The following DHRS9 variants were observed in gnomAD, a reference collection of about 807,000 sequenced individuals.
DHRS9 encodes dehydrogenase/reductase SDR family member 9.
DHRS9 carries 18 observed loss-of-function variants against 26.6 expected under a neutral mutation model. The observed-to-expected ratio is 0.68, with a 90% CI of 0.47 to 1.00. The LOEUF is 1.00. Among genes scored for constraint, DHRS9 ranks in the 50% least tolerant of loss-of-function variants. DHRS9 has a pLI of 0.00. For missense variants in DHRS9, 425 were observed against 378.7 expected (o/e 1.12, Z -1.01); for synonymous variants, 134 against 141.1 (o/e 0.95, Z 0.36).
intron 2 of DHRS9, 110 bp downstream of exon 2, chr2:169,082,004 C>T (rs888757579): frequency 9.0e-7 from 1 of 1,109,594 alleles, no homozygotes; most frequent in African/African-American, 1.6e-5. Context: ...AAAATGTTTC[C>T]TAAATACCGG....
At chr2:169,087,473 C>G (rs1180267720) in intron 3 of DHRS9, among the ~76,000 whole-genome samples, 1 of 152,116 alleles carries the variant, frequency 6.6e-6, no homozygotes, top group African/African-American at 2.4e-5. Context: ...GGTGCTCTAC[C>G]CCACTGTAGT....
chr2:169,090,365 G>A (rs867074775), intron 3 of DHRS9, among the ~76,000 whole-genome samples: 36 of 152,200 alleles, frequency 2.4e-4, no homozygotes, highest in African/African-American at 7.7e-4. Flanking sequence ...TTCCTAAATA[G>A]CCTCTTGGCA....
At chr2:169,095,345 A>G (rs1263054860) in intron 4 of DHRS9, among the ~76,000 whole-genome samples, 199 bp from the exon 5 acceptor site, 2 of 152,142 alleles carry the variant, frequency 1.3e-5, no homozygotes, top group African/African-American at 4.8e-5. Flanking sequence ...TGCCAACCCA[A>G]TCTTGAGAGC....
At chr2:169,074,515 G>A in intron 1 of DHRS9, 1 of 913,536 alleles carries the variant, frequency 1.1e-6, no homozygotes, top group African/African-American at 1.8e-5. Flanking sequence ...GCCGTGCAGA[G>A]GTAACCACAG....
At chr2:169,081,256 C>A in intron 1 of DHRS9, 1 of 856,950 alleles carries the variant, frequency 1.2e-6, no homozygotes, top group Non-Finnish European at 1.5e-6. Flanking sequence ...AACTCAATGG[C>A]TTGTGTCAAT....
chr2:169,080,069 A>G (rs924735202), intron 1 of DHRS9, among the ~76,000 whole-genome samples: 1 of 151,364 alleles, frequency 6.6e-6, no homozygotes, highest in African/African-American at 2.4e-5. Context: ...TCCAAAGTCT[A>G]TAAACTCGCT....
At chr2:169,072,847 G>C (rs1683848617) in intron 1 of DHRS9, among the ~76,000 whole-genome samples, 1 of 152,180 alleles carries the variant, frequency 6.6e-6, no homozygotes, top group South Asian at 2.1e-4. Context: ...AGAGTTCAGA[G>C]AGTTTTAGTT....
intron 4 of DHRS9, 87 bp downstream of exon 4, chr2:169,092,040 G>T (rs1684547600): frequency 2.8e-6 from 4 of 1,416,658 alleles, no homozygotes; most frequent in South Asian, 1.4e-5. Flanking sequence ...AAATAACAAG[G>T]TTCTGAGTAA....
chr2:169,070,757 G>A (rs536270196), intron 1 of DHRS9: 2 of 985,414 alleles, frequency 2.0e-6, no homozygotes, highest in East Asian at 1.1e-4. Flanking sequence ...ACTGTCTTAA[G>A]GGACAGTGTT....
At chr2:169,082,918 T>C (rs1024405993) in intron 2 of DHRS9, among the ~76,000 whole-genome samples, 2 of 148,656 alleles carry the variant, frequency 1.3e-5, no homozygotes. Flanking sequence ...CATTAGGAGA[T>C]ATATCTAACG....
chr2:169,090,123 A>G (rs963086704), intron 3 of DHRS9, among the ~76,000 whole-genome samples: 2 of 152,252 alleles, frequency 1.3e-5, no homozygotes, highest in African/African-American at 4.8e-5. Flanking sequence ...AGTATTTTAA[A>G]TGGTGTTATG....
At chr2:169,092,397 G>A (rs1436932353) in intron 4 of DHRS9, among the ~76,000 whole-genome samples, 1 of 152,166 alleles carries the variant, frequency 6.6e-6, no homozygotes, top group Non-Finnish European at 1.5e-5. Context: ...TACAAAAGAT[G>A]GAAAAGGTTC....
intron 1 of DHRS9, among the ~76,000 whole-genome samples, chr2:169,080,777 A>G (rs2105289759): frequency 6.6e-6 from 1 of 152,158 alleles, no homozygotes; most frequent in Admixed American, 6.5e-5. Flanking sequence ...CTCACAGGAG[A>G]CTGGTGTTCA....
At chr2:169,092,823 T>TCTAAGTG (rs1030171153) in intron 4 of DHRS9, among the ~76,000 whole-genome samples, 15 of 152,198 alleles carry the variant, frequency 9.9e-5, no homozygotes, top group Admixed American at 9.8e-4. Context: ...TTGTCACCAT[T>TCTAAGTG]CTAAGTGCTT....
intron 1 of DHRS9, among the ~76,000 whole-genome samples, chr2:169,072,100 G>A (rs542508196): frequency 1.3e-3 from 203 of 150,988 alleles, no homozygotes; most frequent in Admixed American, 2.3e-3. Context: ...GTTGTGTTAA[G>A]TCAACCGGGT....
In DHRS9 at chr2:169,093,424, T is replaced by C. The variant is rs148209720; in HGVS notation, c.736+1471T>C. 6.9e-3 allele frequency among the ~76,000 whole-genome samples: 1,043 copies of C among 152,152 alleles called. 37 individuals carry two copies. The highest frequency in any genetic ancestry group is 9.8e-3 in the East Asian group (51 of 5,178). On this transcript the variant is annotated intron_variant, in intron 4 of 4. Transcript: ENST00000674881. ...TGAAATGTCTGGTCTTACAAACATC[T>C]TAGTGCTGACATGCCACTATAGGTT...
Position 169,071,313 on chromosome 2 carries a change from G to C in DHRS9, c.-60+1596G>C, listed in dbSNP as rs75324055. 2.3e-3 allele frequency among the ~76,000 whole-genome samples: 349 copies of C among 152,270 alleles called. 10 individuals carry two copies. The East Asian group carries it at 0.06, about 26-fold the overall frequency. ...TAGCTTTAACAATAATTTGTAACCT[G>C]CTAATACTGTCAGGAAACATTGTCA... On this transcript the variant is annotated intron_variant, in intron 1 of 4. Coordinates refer to ENST00000674881, the MANE Select transcript of DHRS9 (RefSeq NM_001376924.1).
chr2:169,086,589 T>C (rs1449795871), intron 3 of DHRS9, among the ~76,000 whole-genome samples: 2 of 152,146 alleles, frequency 1.3e-5, no homozygotes, highest in Non-Finnish European at 2.9e-5. Context: ...TAGGTATTTA[T>C]TGCAGTCTTC....
At chr2:169,089,670 G>A (rs567993885) in intron 3 of DHRS9, among the ~76,000 whole-genome samples, 1 of 152,168 alleles carries the variant, frequency 6.6e-6, no homozygotes, top group South Asian at 2.1e-4. Flanking sequence ...TAAAGATAGA[G>A]CAACTTCATT....
Sources: allele counts gnomAD v4.1 joint callset (sites outside exome capture counted in the v4.1 genomes callset), GRCh38; gene constraint gnomAD v4.1.1; transcripts MANE v1.5; gene names NCBI Gene and HGNC (gene_info 2026-07-23, HGNC 2026-07-21).